FBXO25: variants seen among roughly 807,000 people sequenced by gnomAD.
FBXO25 encodes the protein F-box protein 25, also known as F-box only protein 25.
FBXO25 carries 45 observed loss-of-function variants against 51.9 expected under a neutral mutation model. The observed-to-expected ratio is 0.87, with a 90% confidence interval of 0.68 to 1.11. The LOEUF is 1.11. FBXO25 is among the 50% of genes most tolerant of loss of function. The probability of loss-of-function intolerance (pLI) is 0.00; values close to 1 mark genes in which losing one functional copy is unlikely to be tolerated. For synonymous variants in FBXO25, 199 were observed against 151.0 expected, an observed-to-expected ratio of 1.32 and a Z score of -2.33; for missense variants, 507 against 428.5, an observed-to-expected ratio of 1.18 and a Z score of -1.62.
At position 474,352 on chromosome 8, in the gene FBXO25, T is replaced by G. The variant is rs1483805632; in HGVS notation, c.*5548T>G. On this transcript the variant is annotated 3_prime_UTR_variant, in exon 10 of 10. Coordinates refer to ENST00000350302, the MANE Select transcript of FBXO25 (RefSeq NM_183420.2). ...TGTGTACTCATCTGTTGAGGACACTTGAGTTGCTTCCACCTTTTAGCTATT... is the reference window on the plus strand; with the variant it reads ...TGTGTACTCATCTGTTGAGGACACTGGAGTTGCTTCCACCTTTTAGCTATT... 7.9e-6 allele frequency: 2 copies of G among 253,130 alleles called. No individual in the cohort carries two copies. The highest frequency in any genetic ancestry group is 4.7e-5 in the African/African-American group (2 of 42,856). The allele number at this position is 253,130 out of a possible 1,614,324, so 15.7% of individuals were successfully genotyped here.
At chr8:437,694 C>G (rs945614414) in intron 5 of FBXO25, among the ~76,000 whole-genome samples, 6 of 152,140 alleles carry the variant, frequency 3.9e-5, no homozygotes, top group African/African-American at 1.4e-4. Flanking sequence ...CCTCCCTGGC[C>G]CATGCCCAGT....
chr8:468,603 G>T, intron 9 of FBXO25, 112 bp from the exon 10 acceptor site: 5 of 753,594 alleles, frequency 6.6e-6, no homozygotes, highest in Non-Finnish European at 1.1e-5. Flanking sequence ...ATGTACCTCT[G>T]AGGTGGGGCC....
At chr8:438,242 A>G (rs546103101) in intron 5 of FBXO25, among the ~76,000 whole-genome samples, 1 of 152,194 alleles carries the variant, frequency 6.6e-6, no homozygotes, top group East Asian at 1.9e-4. Context: ...TATTTTTAGT[A>G]GAGATGGGGT....
Position 475,153 on chromosome 8 carries a change from A to G in FBXO25, c.*6349A>G, listed in dbSNP as rs1325945294. 2.9e-6 allele frequency: 1 copy of G among 348,836 alleles called. No homozygotes were observed. The highest frequency in any genetic ancestry group is 2.2e-5 in the African/African-American group (1 of 46,318). 21.6% of individuals were successfully genotyped at this position (348,836 alleles called of 1,614,324 possible). A position where few individuals can be genotyped will look rare whatever the true frequency, so the allele number is the denominator to read the frequency against. ...TTTATATATGGTGTGAGGTAGATCT[A>G]GCTTCATGTGGATGTCCACTTGTCT... On this transcript the variant is annotated 3_prime_UTR_variant, in exon 10 of 10. Transcript: ENST00000350302.
At chr8:417,731 A>G (rs1247915733) in intron 2 of FBXO25, among the ~76,000 whole-genome samples, 1 of 152,178 alleles carries the variant, frequency 6.6e-6, no homozygotes, top group Non-Finnish European at 1.5e-5. Context: ...AAGTTGTTCC[A>G]TGTCAGTGTG....
intron 6 of FBXO25, 162 bp from the exon 7 acceptor site, chr8:451,107 A>C (rs1799056324): frequency 8.4e-6 from 5 of 592,390 alleles, no homozygotes; most frequent in South Asian, 2.6e-5. Context: ...ATGTGTGAGA[A>C]TTTCCCTCCT....
chr8:447,098 G>A (rs568869209), intron 5 of FBXO25, among the ~76,000 whole-genome samples: 3 of 152,318 alleles, frequency 2.0e-5, no homozygotes, highest in African/African-American at 7.2e-5. Context: ...TAGAAGTCGA[G>A]CCCCACATAC....
intron 2 of FBXO25, among the ~76,000 whole-genome samples, chr8:418,656 A>G (rs1258589250): frequency 1.3e-5 from 2 of 152,154 alleles, no homozygotes; most frequent in Non-Finnish European, 2.9e-5. Flanking sequence ...TTTATTAAGT[A>G]AGAGAGCTCT....
At position 435,713 on chromosome 8, in the gene FBXO25, T is replaced by C; in HGVS notation, c.381+6T>C. ...GGTTCAATTATGTGGTCAAAGTAAG[T>C]GTTCTATTTCAAAAACTACTTTGAT... On this transcript the variant is annotated splice_donor_region_variant and intron_variant, in intron 5 of 9. Coordinates refer to ENST00000350302, the MANE Select transcript of FBXO25 (RefSeq NM_183420.2). The C allele has an allele frequency of 6.4e-7, 1 of 1,568,424 alleles. No individual in the cohort carries two copies. Among genetic ancestry groups the C allele is most frequent in the Non-Finnish European group, 8.6e-7 (1 of 1,160,698 alleles).
intron 8 of FBXO25, among the ~76,000 whole-genome samples, chr8:458,846 C>T (rs1191209159): frequency 6.6e-6 from 1 of 152,204 alleles, no homozygotes; most frequent in Non-Finnish European, 1.5e-5. Context: ...GTCCCTGGCT[C>T]ACTGCCTTTT....
intron 7 of FBXO25, among the ~76,000 whole-genome samples, chr8:454,241 T>C (rs1487233260): frequency 6.6e-6 from 1 of 152,248 alleles, no homozygotes; most frequent in African/African-American, 2.4e-5. Flanking sequence ...ATTTTTTTTC[T>C]TGTGAAACAA....
rs1414190500 is a variant in FBXO25 at position 457,644 on chromosome 8, CCTTTA to C, written c.661-721_661-717del. Among the ~76,000 whole-genome samples, 8 of 152,162 alleles carry C rather than the reference CCTTTA, an allele frequency of 5.3e-5. No homozygotes were observed. The East Asian group carries it at 1.5e-3, about 29-fold the overall frequency. On this transcript the variant is annotated intron_variant, in intron 7 of 9. Coordinates refer to ENST00000350302, the MANE Select transcript of FBXO25 (RefSeq NM_183420.2). ...ATGACTGCAGTTAATAATTATACAT[CCTTTA>C]CTTCAAATTTGCTAAGAGTAGATCT... is the stretch of plus-strand genomic sequence containing the variant.
At chr8:461,637 AAAAAC>A (rs973027349) in intron 8 of FBXO25, among the ~76,000 whole-genome samples, 3 of 152,022 alleles carry the variant, frequency 2.0e-5, no homozygotes, top group South Asian at 2.1e-4. Flanking sequence ...TCACCTCAGG[AAAAAC>A]AAAACAAAAC....
At chr8:407,555 C>A in intron 1 of FBXO25, 1 of 572,430 alleles carries the variant, frequency 1.7e-6, no homozygotes, top group Non-Finnish European at 2.2e-6. Flanking sequence ...CCCCTTCCCG[C>A]CCCCACCCTC....
At chr8:412,920 T>C (rs545765964) in intron 1 of FBXO25, among the ~76,000 whole-genome samples, 153 bp from the exon 2 acceptor site, 3 of 152,306 alleles carry the variant, frequency 2.0e-5, no homozygotes, top group Non-Finnish European at 4.4e-5. Flanking sequence ...TACTGTGTTA[T>C]TGTCACTGTC....
chr8:426,415 A>T (rs1285729513), intron 2 of FBXO25, among the ~76,000 whole-genome samples: 1 of 152,004 alleles, frequency 6.6e-6, no homozygotes, highest in Admixed American at 6.6e-5. Flanking sequence ...TCACGAGTCC[A>T]GTTTTCATCA....
Position 475,022 on chromosome 8 carries a change from A to G in FBXO25, c.*6218A>G, listed in dbSNP as rs1800601285. 2 of 405,020 alleles carry G rather than the reference A, an allele frequency of 4.9e-6. No homozygotes were observed. Among genetic ancestry groups the G allele is most frequent in the Non-Finnish European group, 9.6e-6 (2 of 207,778 alleles). The allele number at this position is 405,020 out of a possible 1,614,324, so 25.1% of individuals were successfully genotyped here. A position where few individuals can be genotyped will look rare whatever the true frequency, so the allele number is the denominator to read the frequency against. On this transcript the variant is annotated 3_prime_UTR_variant, in exon 10 of 10. Transcript: ENST00000350302. The stretch of plus-strand genomic sequence containing the variant: ...TACCTGTGTGTGCCTCTGGTGTCAT[A>G]TCTAAGAAATCACTGCCAAATCCAA...
At chr8:437,444 C>A (rs1472224135) in intron 5 of FBXO25, among the ~76,000 whole-genome samples, 1 of 152,240 alleles carries the variant, frequency 6.6e-6, no homozygotes, top group African/African-American at 2.4e-5. Flanking sequence ...CAAGCAGGGC[C>A]TTGCTTGGCT....
At chr8:449,908 T>G in intron 5 of FBXO25, 82 bp from the exon 6 acceptor site, 1 of 906,780 alleles carries the variant, frequency 1.1e-6, no homozygotes, top group Non-Finnish European at 1.7e-6. Flanking sequence ...GAAATCTTCA[T>G]GCATGTGTGT....
Sources: gnomAD v4.1 joint callset for allele counts (sites outside exome capture counted in the v4.1 genomes callset) on GRCh38, gnomAD v4.1.1 for gene constraint, MANE v1.5 for transcripts, NCBI Gene and HGNC (gene_info 2026-07-23, HGNC 2026-07-21) for gene names.